The following MAP2 variants were observed in gnomAD, a reference collection of about 807,000 sequenced individuals.
MAP2 encodes microtubule-associated protein 2.
A neutral mutation model predicts 137.6 loss-of-function variants in MAP2; 14 were observed. The observed-to-expected ratio is 0.10, with a 90% CI of 0.07 to 0.16. The LOEUF (loss-of-function observed/expected upper bound fraction) is 0.16, where lower values mean the gene tolerates loss of function less well. Among genes scored for constraint, MAP2 ranks in the 10% least tolerant of loss-of-function variants. MAP2 has a pLI of 1.00. For missense variants in MAP2, 2,088 were observed against 2,191.5 expected (o/e 0.95, Z 0.94); for synonymous variants, 786 against 782.3 (o/e 1.00, Z -0.08).
At chr2:209,615,705 G>A (rs376978584) in intron 3 of MAP2, among the ~76,000 whole-genome samples, 25 of 152,256 alleles carry the variant, frequency 1.6e-4, no homozygotes, top group African/African-American at 4.3e-4. Context: ...CCTCCAAGCC[G>A]AAGACAGTAA....
chr2:209,628,772 G>A (rs1452629049), intron 4 of MAP2, among the ~76,000 whole-genome samples: 1 of 152,086 alleles, frequency 6.6e-6, no homozygotes, highest in East Asian at 1.9e-4. Flanking sequence ...TCTCATGGAG[G>A]GCAGAGACTA....
rs1266282026 is a variant in MAP2, at chr2:209,491,496, A to G, written c.-221-16096A>G. On this transcript the variant is annotated intron_variant, in intron 1 of 15. Transcript: ENST00000682079. ...ACATGAAACACCCTTCAAAAAAATC[A>G]GTGAATCCAGGAGCTAGTTTGTTTG... 3.9e-5 allele frequency among the ~76,000 whole-genome samples: 6 copies of G among 152,342 alleles called. 1 individual carries two copies. In the South Asian group the frequency reaches 6.2e-4, roughly 16 times the overall value.
chr2:209,448,818 C>T (rs1301782952), intron 1 of MAP2, among the ~76,000 whole-genome samples: 1 of 152,034 alleles, frequency 6.6e-6, no homozygotes, highest in African/African-American at 2.4e-5. Flanking sequence ...TAATTTATAC[C>T]TATAAAAAAC....
At position 209,690,605 on chromosome 2, in the gene MAP2, G is replaced by A; in HGVS notation, c.455-2020G>A. 3.1e-6 allele frequency: 4 copies of A among 1,279,922 alleles called. No individual in the cohort carries two copies. In the South Asian group the frequency reaches 5.0e-5, roughly 16 times the overall value. 79.3% of individuals were successfully genotyped at this position (1,279,922 alleles called of 1,614,324 possible). A position where few individuals can be genotyped will look rare whatever the true frequency, so the allele number is the denominator to read the frequency against. On this transcript the variant is annotated intron_variant, in intron 7 of 15. Transcript: ENST00000682079. ...TCAACATCTTTTTCATCCCTAAGAA[G>A]AAGAAACGCTAGAGAGTCGGATGGC...
intron 1 of MAP2, among the ~76,000 whole-genome samples, chr2:209,503,638 A>G (rs2060667969): frequency 6.6e-6 from 1 of 152,066 alleles, no homozygotes; most frequent in African/African-American, 2.4e-5. Flanking sequence ...TACCCAGTTT[A>G]CCTAACACCA....
intron 3 of MAP2, among the ~76,000 whole-genome samples, chr2:209,622,778 A>G (rs1425552357): frequency 1.3e-5 from 2 of 152,122 alleles, no homozygotes; most frequent in African/African-American, 4.8e-5. Flanking sequence ...TAAATCCCTG[A>G]GAGTATGTAT....
At chr2:209,489,494 C>T (rs1046537771) in intron 1 of MAP2, among the ~76,000 whole-genome samples, 5 of 152,032 alleles carry the variant, frequency 3.3e-5, no homozygotes, top group Admixed American at 1.3e-4. Flanking sequence ...CAAACTCCTC[C>T]GACCTAAGGG....
At chr2:209,554,161 AT>A (rs1375418685) in intron 2 of MAP2, among the ~76,000 whole-genome samples, 1 of 152,202 alleles carries the variant, frequency 6.6e-6, no homozygotes, top group Non-Finnish European at 1.5e-5. Context: ...TCTCATCTTA[AT>A]ACTTGCTTCT....
At chr2:209,635,392 G>C (rs1293985508) in intron 4 of MAP2, among the ~76,000 whole-genome samples, 1 of 152,048 alleles carries the variant, frequency 6.6e-6, no homozygotes, top group Non-Finnish European at 1.5e-5. Flanking sequence ...GCCTTTTAAG[G>C]AAAAATGAAG....
intron 3 of MAP2, among the ~76,000 whole-genome samples, chr2:209,610,112 C>T (rs1268638816): frequency 6.6e-6 from 1 of 152,006 alleles, no homozygotes; most frequent in African/African-American, 2.4e-5. Flanking sequence ...GGGAACTGAC[C>T]TTGTCAAGGA....
At chr2:209,547,857 A>G (rs1383342210) in intron 2 of MAP2, among the ~76,000 whole-genome samples, 1 of 152,196 alleles carries the variant, frequency 6.6e-6, no homozygotes, top group African/African-American at 2.4e-5. Context: ...GAACTCATGA[A>G]TGTGCTTGAA....
At chr2:209,704,953 A>G (rs913219790) in intron 11 of MAP2, among the ~76,000 whole-genome samples, 4 of 150,970 alleles carry the variant, frequency 2.6e-5, no homozygotes, top group African/African-American at 9.7e-5. Flanking sequence ...GTACAGTACA[A>G]TAATAACAAA....
intron 2 of MAP2, among the ~76,000 whole-genome samples, chr2:209,526,296 A>G (rs1485359569): frequency 6.6e-6 from 1 of 152,112 alleles, no homozygotes; most frequent in Non-Finnish European, 1.5e-5. Flanking sequence ...GCAGAAAATT[A>G]AGAGTTTAAA....
At chr2:209,557,682 C>A (rs775789561) in intron 2 of MAP2, among the ~76,000 whole-genome samples, 1 of 152,160 alleles carries the variant, frequency 6.6e-6, no homozygotes, top group African/African-American at 2.4e-5. Context: ...GCCAGGTTGT[C>A]TTTAGCTTAG....
chr2:209,692,581 G>T, intron 7 of MAP2, 44 bp from the exon 8 acceptor site: 1 of 1,508,376 alleles, frequency 6.6e-7, no homozygotes, highest in Non-Finnish European at 8.8e-7. Context: ...TTTCCTGAAC[G>T]CACTTGCCTA....
rs552594903 is a variant in MAP2, at chr2:209,430,275, G to A, written c.-222+5999G>A. 2.8e-3 allele frequency among the ~76,000 whole-genome samples: 432 copies of A among 151,654 alleles called. 3 individuals are homozygous for A. Among genetic ancestry groups the A allele is most frequent in the African/African-American group, 9.7e-3 (400 of 41,324 alleles). On this transcript the variant is annotated intron_variant, in intron 1 of 15. Coordinates refer to ENST00000682079, the MANE Select transcript of MAP2 (RefSeq NM_001375505.1). ...CATACAATTTCTTTACTTAGTGGAT[G>A]AGAACATGGAATTATAATACTTGTA...
At chr2:209,536,714 A>G (rs1404687436) in intron 2 of MAP2, among the ~76,000 whole-genome samples, 2 of 152,182 alleles carry the variant, frequency 1.3e-5, no homozygotes, top group Non-Finnish European at 2.9e-5. Flanking sequence ...TCAGAGCCTC[A>G]CTTTGTGTCT....
intron 1 of MAP2, among the ~76,000 whole-genome samples, chr2:209,499,875 A>G (rs901964851): frequency 6.6e-6 from 1 of 152,182 alleles, no homozygotes; most frequent in Non-Finnish European, 1.5e-5. Flanking sequence ...GCACCAAGCC[A>G]TGAGAGCTCT....
chr2:209,704,489 A>T (rs1346917529), intron 11 of MAP2: 5 of 1,612,266 alleles, frequency 3.1e-6, no homozygotes, highest in Non-Finnish European at 4.2e-6. Flanking sequence ...ACAGGGTAGC[A>T]CAAAGTCCCC....
Sources: gnomAD v4.1 joint callset for allele counts (sites outside exome capture counted in the v4.1 genomes callset) on GRCh38, gnomAD v4.1.1 for gene constraint, MANE v1.5 for transcripts, NCBI Gene and HGNC (gene_info 2026-07-23, HGNC 2026-07-21) for gene names.